The following CRYBG1 variants were observed in gnomAD, a reference collection of about 807,000 sequenced individuals.
CRYBG1 encodes the protein beta/gamma crystallin domain-containing protein 1.
In CRYBG1, 139 loss-of-function variants were observed where a neutral mutation model predicts 189.2. The observed-to-expected ratio is 0.73, with a 90% CI of 0.64 to 0.85. The LOEUF is 0.85. Ranked by LOEUF, CRYBG1 falls within the 40% of genes least tolerant of loss-of-function variation. The probability of loss-of-function intolerance (pLI) is 0.00; values close to 1 mark genes in which losing one functional copy is unlikely to be tolerated. For synonymous variants in CRYBG1, 1,023 were observed against 1,017.1 expected (o/e 1.01, Z -0.11); for missense variants, 2,611 against 2,675.8 (o/e 0.98, Z 0.53).
At chr6:106,460,547 G>A (rs1030256571) in intron 2 of CRYBG1, among the ~76,000 whole-genome samples, 2 of 152,062 alleles carry the variant, frequency 1.3e-5, no homozygotes, top group Admixed American at 1.3e-4. Flanking sequence ...GTGTGTTTAT[G>A]GGGGTGGGGA....
chr6:106,364,704 T>C (rs1771948247), intron 1 of CRYBG1, among the ~76,000 whole-genome samples: 1 of 152,232 alleles, frequency 6.6e-6, no homozygotes, highest in Non-Finnish European at 1.5e-5. Context: ...AGTGGCACTG[T>C]CATTTACCAC....
At chr6:106,456,260 T>G (rs1771886047) in intron 2 of CRYBG1, among the ~76,000 whole-genome samples, 1 of 152,142 alleles carries the variant, frequency 6.6e-6, no homozygotes, top group Non-Finnish European at 1.5e-5. Flanking sequence ...TTCAAACAAT[T>G]CTGCTGCCTC....
intron 2 of CRYBG1, among the ~76,000 whole-genome samples, chr6:106,470,860 G>T (rs17067057): frequency 0.084 from 12,822 of 152,116 alleles, 705 homozygotes; most frequent in East Asian, 0.22. Flanking sequence ...TCCCTGCTTT[G>T]CAAACAAGGA....
intron 1 of CRYBG1, among the ~76,000 whole-genome samples, chr6:106,420,350 C>T (rs1286142001): frequency 2.0e-5 from 3 of 152,144 alleles, no homozygotes; most frequent in African/African-American, 7.2e-5. Flanking sequence ...TGATCAGTCT[C>T]AGTAAATCTA....
intron 1 of CRYBG1, among the ~76,000 whole-genome samples, chr6:106,437,792 T>C (rs894843817): frequency 2.6e-5 from 4 of 152,224 alleles, no homozygotes; most frequent in African/African-American, 9.6e-5. Flanking sequence ...TTCCTTCCCT[T>C]CTAATATGCC....
At chr6:106,539,337 C>G in intron 8 of CRYBG1, 66 bp from the exon 9 acceptor site, 1 of 1,582,270 alleles carries the variant, frequency 6.3e-7, no homozygotes, top group Non-Finnish European at 8.6e-7. Context: ...GGGTACCAGA[C>G]AGAAGGAAAA....
At chr6:106,564,305 T>C in intron 21 of CRYBG1, among the ~76,000 whole-genome samples, 1 of 152,232 alleles carries the variant, frequency 6.6e-6, no homozygotes, top group Non-Finnish European at 1.5e-5. Context: ...ATAATAGTGT[T>C]AGGCTAAAAA....
intron 8 of CRYBG1, among the ~76,000 whole-genome samples, chr6:106,537,691 A>G (rs1289908417): frequency 6.6e-6 from 1 of 152,244 alleles, no homozygotes; most frequent in Non-Finnish European, 1.5e-5. Context: ...ATTCAGATCA[A>G]GAAAAAGAAC....
At chr6:106,455,701 G>C (rs1036549071) in intron 2 of CRYBG1, among the ~76,000 whole-genome samples, 3 of 151,612 alleles carry the variant, frequency 2.0e-5, no homozygotes, top group African/African-American at 7.3e-5. Flanking sequence ...AATTATTCTC[G>C]CCTCACATTC....
intron 1 of CRYBG1, among the ~76,000 whole-genome samples, chr6:106,423,695 C>G (rs3046404): frequency 4.7e-5 from 2 of 42,918 alleles, no homozygotes; most frequent in Admixed American, 6.1e-4. Flanking sequence ...TCTCCCTCCC[C>G]TTTTTTTTTT....
intron 1 of CRYBG1, among the ~76,000 whole-genome samples, chr6:106,409,206 C>G (rs1485216771): frequency 6.6e-6 from 1 of 152,150 alleles, no homozygotes; most frequent in African/African-American, 2.4e-5. Context: ...GCAAAAATCA[C>G]AAGCATTCCT....
intron 1 of CRYBG1, among the ~76,000 whole-genome samples, chr6:106,409,635 T>A (rs1231430127): frequency 3.3e-5 from 5 of 152,140 alleles, no homozygotes; most frequent in Non-Finnish European, 2.9e-5. Context: ...ACTACAAGAC[T>A]ACAGTAACCA....
At chr6:106,489,150 G>A (rs1161705141) in intron 2 of CRYBG1, among the ~76,000 whole-genome samples, 1 of 152,182 alleles carries the variant, frequency 6.6e-6, no homozygotes, top group Non-Finnish European at 1.5e-5. Context: ...AGGAGACAGT[G>A]TGGCAGAGGC....
At chr6:106,464,810 G>C (rs1218330974) in intron 2 of CRYBG1, among the ~76,000 whole-genome samples, 2 of 152,044 alleles carry the variant, frequency 1.3e-5, no homozygotes, top group African/African-American at 4.8e-5. Context: ...AAAGAGTTTA[G>C]AGAATTAAGT....
chr6:106,464,472 G>A (rs776346463), intron 2 of CRYBG1, among the ~76,000 whole-genome samples: 2 of 138,282 alleles, frequency 1.4e-5, no homozygotes, highest in Non-Finnish European at 3.0e-5. Flanking sequence ...CAGCCTGGGC[G>A]ACAGAGTGAG....
chr6:106,510,530 C>G (rs1247154933), intron 2 of CRYBG1, among the ~76,000 whole-genome samples: 1 of 152,250 alleles, frequency 6.6e-6, no homozygotes, highest in Non-Finnish European at 1.5e-5. Context: ...GGCCCGGCAC[C>G]CTCGCATAGG....
intron 1 of CRYBG1, among the ~76,000 whole-genome samples, chr6:106,379,391 A>T (rs910894026): frequency 6.6e-6 from 1 of 151,402 alleles, no homozygotes; most frequent in Non-Finnish European, 1.5e-5. Context: ...TCTCCCAAGT[A>T]GCTGGGACTA....
rs545964923 is a variant in CRYBG1 at position 106,548,904 on chromosome 6, C to A, written c.5313-2948C>A. Among the ~76,000 whole-genome samples the A allele has an allele frequency of 4.6e-5, 6 of 130,040 alleles. No individual in the cohort carries two copies. The East Asian group carries it at 7.8e-4, about 17-fold the overall frequency. 85.3% of individuals were successfully genotyped at this position (130,040 alleles called of 152,430 possible). Reference sequence around the variant, plus strand: ...GCTATCCCTCCCCCCTCCCCCCACCCCACAACAGTCCCCGGTGTGTGATGT... The same window carrying A: ...GCTATCCCTCCCCCCTCCCCCCACCACACAACAGTCCCCGGTGTGTGATGT... On this transcript the variant is annotated intron_variant, in intron 13 of 21. Transcript: ENST00000633556.
chr6:106,475,176 T>C (rs986743313), intron 2 of CRYBG1, among the ~76,000 whole-genome samples: 1 of 152,158 alleles, frequency 6.6e-6, no homozygotes, highest in African/African-American at 2.4e-5. Context: ...TGCCAGATCT[T>C]CAAGGAGAAT....
Sources: gnomAD v4.1 joint callset for allele counts (sites outside exome capture counted in the v4.1 genomes callset) on GRCh38, gnomAD v4.1.1 for gene constraint, MANE v1.5 for transcripts, NCBI Gene and HGNC (gene_info 2026-07-23, HGNC 2026-07-21) for gene names.